The following MAGI2 variants were observed in gnomAD, a reference collection of about 807,000 sequenced individuals.
MAGI2 encodes membrane associated guanylate kinase, WW and PDZ domain containing 2.
Under a neutral mutation model 133.3 loss-of-function variants are expected in MAGI2, and 35 were observed. The ratio of observed to expected loss-of-function variants is 0.26; its 90% CI spans 0.20 to 0.35. MAGI2 has a LOEUF of 0.35. Ranked by LOEUF, MAGI2 falls within the 10% of genes least tolerant of loss-of-function variation. The pLI is 1.00. For missense variants in MAGI2, 1,636 were observed against 1,863.4 expected, an observed-to-expected ratio of 0.88 and a Z score of 2.25; for synonymous variants, 729 against 710.6, an observed-to-expected ratio of 1.03 and a Z score of -0.41.
intron 1 of MAGI2, among the ~76,000 whole-genome samples, chr7:79,025,372 T>A (rs1480168374): frequency 1.3e-5 from 2 of 152,100 alleles, no homozygotes; most frequent in East Asian, 1.9e-4. Context: ...GGGAAAAGGA[T>A]GAAGATCAAA....
chr7:78,593,640 A>G (rs1249588390), intron 3 of MAGI2, among the ~76,000 whole-genome samples: 3 of 152,202 alleles, frequency 2.0e-5, no homozygotes, highest in African/African-American at 4.8e-5. Flanking sequence ...GAAAATGACT[A>G]ACTCTTATTT....
At chr7:79,274,575 A>G (rs1311657919) in intron 1 of MAGI2, among the ~76,000 whole-genome samples, 2 of 92,004 alleles carry the variant, frequency 2.2e-5, no homozygotes, top group Non-Finnish European at 2.9e-5. Context: ...TATATATATT[A>G]TATTATATAT....
At chr7:78,120,798 G>A (rs368684238) in intron 20 of MAGI2, among the ~76,000 whole-genome samples, 2 of 151,128 alleles carry the variant, frequency 1.3e-5, no homozygotes, top group African/African-American at 2.4e-5. Context: ...TCAGGAGATC[G>A]AGACCATCCC....
chr7:78,212,426 C>T (rs1584416647), intron 10 of MAGI2, among the ~76,000 whole-genome samples: 2 of 152,118 alleles, frequency 1.3e-5, no homozygotes, highest in South Asian at 2.1e-4. Flanking sequence ...GAGATGGCAG[C>T]GTGAGGAGGC....
At chr7:79,026,338 A>T (rs182209045) in intron 1 of MAGI2, among the ~76,000 whole-genome samples, 7 of 152,336 alleles carry the variant, frequency 4.6e-5, no homozygotes. Context: ...AATTACTTGC[A>T]AGGAAAGCCT....
chr7:79,447,799 A>G (rs1178258839), intron 1 of MAGI2, among the ~76,000 whole-genome samples: 1 of 151,970 alleles, frequency 6.6e-6, no homozygotes, highest in Non-Finnish European at 1.5e-5. Context: ...ACTTATTTAC[A>G]TTGCAATACT....
At chr7:78,140,309 A>G (rs3807706) in intron 16 of MAGI2, among the ~76,000 whole-genome samples, 132,092 of 152,246 alleles carry the variant, frequency 0.87, 57,494 homozygotes, top group African/African-American at 0.91. Context: ...TTGTCTTGCT[A>G]TTTATGTGTA....
At chr7:78,650,665 T>C (rs1313649024) in intron 2 of MAGI2, among the ~76,000 whole-genome samples, 1 of 98,748 alleles carries the variant, frequency 1.0e-5, no homozygotes, top group Non-Finnish European at 2.2e-5. Context: ...ATAATGAAAA[T>C]ATAATCATTA....
intron 20 of MAGI2, among the ~76,000 whole-genome samples, chr7:78,115,942 C>G (rs1177084638): frequency 1.3e-5 from 2 of 152,190 alleles, no homozygotes; most frequent in Non-Finnish European, 2.9e-5. Context: ...TATAAAATAG[C>G]TGAATAGTTC....
chr7:78,687,004 T>C (rs1441771486), intron 2 of MAGI2, among the ~76,000 whole-genome samples: 4 of 152,182 alleles, frequency 2.6e-5, no homozygotes, highest in African/African-American at 9.7e-5. Flanking sequence ...AAATCACTGG[T>C]TTCCAAACGT....
chr7:78,200,995 T>C (rs1399115463), intron 11 of MAGI2, among the ~76,000 whole-genome samples, 167 bp downstream of exon 11: 1 of 152,242 alleles, frequency 6.6e-6, no homozygotes, highest in East Asian at 1.9e-4. Context: ...GTGACTCATG[T>C]ACTTGTGGGA....
intron 1 of MAGI2, among the ~76,000 whole-genome samples, chr7:79,433,562 A>AC (rs1300290730): frequency 2.0e-5 from 3 of 152,092 alleles, no homozygotes; most frequent in Admixed American, 2.0e-4. Flanking sequence ...CAAAAAAAAA[A>AC]AAAAATTGTT....
chr7:79,307,462 G>A (rs1837916777), intron 1 of MAGI2, among the ~76,000 whole-genome samples: 1 of 152,178 alleles, frequency 6.6e-6, no homozygotes, highest in African/African-American at 2.4e-5. Flanking sequence ...AAGGTAAAAT[G>A]TGTCAGGGTG....
At chr7:78,372,417 G>T (rs1263406973) in intron 6 of MAGI2, among the ~76,000 whole-genome samples, 1 of 152,044 alleles carries the variant, frequency 6.6e-6, no homozygotes, top group African/African-American at 2.4e-5. Context: ...TTCCAACATC[G>T]CACTATTTGT....
intron 1 of MAGI2, among the ~76,000 whole-genome samples, chr7:79,222,278 A>G (rs1049042766): frequency 4.6e-5 from 7 of 152,100 alleles, no homozygotes; most frequent in Non-Finnish European, 7.4e-5. Flanking sequence ...CAAAGTGTCA[A>G]TATTACTTGA....
chr7:78,468,558 C>A (rs1452082405), intron 6 of MAGI2, among the ~76,000 whole-genome samples: 1 of 152,050 alleles, frequency 6.6e-6, no homozygotes, highest in Admixed American at 6.6e-5. Flanking sequence ...TTTCAAGCCA[C>A]TGAAAAATCA....
chr7:78,458,642 T>TTTG (rs971473029), intron 6 of MAGI2, among the ~76,000 whole-genome samples: 16 of 151,140 alleles, frequency 1.1e-4, no homozygotes, highest in African/African-American at 3.6e-4. Flanking sequence ...TTGTTAGGTT[T>TTTG]TTTTTTTTTT....
chr7:78,299,163 T>C (rs1158150763), intron 9 of MAGI2, among the ~76,000 whole-genome samples: 1 of 152,168 alleles, frequency 6.6e-6, no homozygotes, highest in Non-Finnish European at 1.5e-5. Flanking sequence ...AGAAGGTTTA[T>C]TGGGAAGGTC....
chr7:78,237,300 A>G (rs1286946121), intron 10 of MAGI2, among the ~76,000 whole-genome samples: 1 of 152,106 alleles, frequency 6.6e-6, no homozygotes, highest in Non-Finnish European at 1.5e-5. Context: ...TTGTTGCTTT[A>G]TGTTATTTTA....
Sources: gnomAD v4.1 joint callset for allele counts (sites outside exome capture counted in the v4.1 genomes callset) on GRCh38, gnomAD v4.1.1 for gene constraint, MANE v1.5 for transcripts, NCBI Gene and HGNC (gene_info 2026-07-23, HGNC 2026-07-21) for gene names.